Variants in UVRAG observed in about 807,000 individuals in gnomAD.
UVRAG encodes UV radiation resistance-associated gene protein.
In UVRAG, 19 loss-of-function variants were observed where a neutral mutation model predicts 78.0. That is an observed-to-expected ratio of 0.24 (90% CI 0.17 to 0.36). The LOEUF (loss-of-function observed/expected upper bound fraction) is 0.36, where lower values mean the gene tolerates loss of function less well. Ranked by LOEUF, UVRAG falls within the 10% of genes least tolerant of loss-of-function variation. UVRAG has a pLI of 1.00. For missense variants in UVRAG, 740 were observed against 853.8 expected (o/e 0.87, Z 1.66); for synonymous variants, 323 against 324.6 (o/e 1.00, Z 0.05).
At chr11:75,842,442 CT>C (rs11316075) in intron 1 of UVRAG, among the ~76,000 whole-genome samples, 20,145 of 133,764 alleles carry the variant, frequency 0.15, 989 homozygotes, top group African/African-American at 0.27. Context: ...CCTTTTCTTT[CT>C]TTTTTTTTTT....
chr11:75,922,673 C>A (rs971250444), intron 6 of UVRAG, among the ~76,000 whole-genome samples: 1 of 152,050 alleles, frequency 6.6e-6, no homozygotes, highest in African/African-American at 2.4e-5. Flanking sequence ...ATTGGCCGGG[C>A]GTGGTGGCTC....
At chr11:76,044,269 A>G (rs1474727660) in intron 12 of UVRAG, among the ~76,000 whole-genome samples, 1 of 152,194 alleles carries the variant, frequency 6.6e-6, no homozygotes, top group African/African-American at 2.4e-5. Flanking sequence ...ACAGAAGAAG[A>G]GAATGGGCAT....
intron 5 of UVRAG, among the ~76,000 whole-genome samples, chr11:75,892,977 A>G (rs948017861): frequency 6.6e-5 from 10 of 152,122 alleles, no homozygotes; most frequent in African/African-American, 2.4e-4. Context: ...CAGGCATTCA[A>G]GACCAGCCTA....
At chr11:75,874,901 G>C (rs573250055) in intron 3 of UVRAG, among the ~76,000 whole-genome samples, 80 of 152,286 alleles carry the variant, frequency 5.3e-4, no homozygotes, top group Non-Finnish European at 9.4e-4. Flanking sequence ...CAGAGGAAAG[G>C]CTGAAGCTAC....
intron 6 of UVRAG, among the ~76,000 whole-genome samples, chr11:75,929,404 C>A (rs1264534397): frequency 6.6e-6 from 1 of 151,978 alleles, no homozygotes; most frequent in African/African-American, 2.4e-5. Context: ...TAAACAGTAG[C>A]GGAATGAAAA....
At chr11:76,140,369 A>G (rs1217507715) in intron 14 of UVRAG, among the ~76,000 whole-genome samples, 1 of 152,018 alleles carries the variant, frequency 6.6e-6, no homozygotes, top group East Asian at 1.9e-4. Flanking sequence ...ATATGAAGTT[A>G]GTTATATCCT....
chr11:76,098,644 T>TGG (rs1231340004), intron 13 of UVRAG, among the ~76,000 whole-genome samples: 1 of 152,182 alleles, frequency 6.6e-6, no homozygotes, highest in African/African-American at 2.4e-5. Context: ...ATTGATTTGA[T>TGG]GGGGGTAGTT....
Position 76,078,349 on chromosome 11 carries a change from A to T in UVRAG, c.1305+12561A>T, listed in dbSNP as rs1018980400. ...GCTAATTTATCTTTTTGAAAGAGAG[A>T]CTACTTTCACCAACATACCCACAGT... On this transcript the variant is annotated intron_variant, in intron 13 of 14. Coordinates refer to ENST00000356136, the MANE Select transcript of UVRAG (RefSeq NM_003369.4). Among the ~76,000 whole-genome samples the T allele has an allele frequency of 1.1e-4, 16 of 152,300 alleles. No individual in the cohort carries two copies. In the South Asian group the frequency reaches 1.7e-3, roughly 16 times the overall value.
intron 8 of UVRAG, among the ~76,000 whole-genome samples, chr11:75,998,728 A>G (rs1276530289): frequency 6.6e-6 from 1 of 152,190 alleles, no homozygotes; most frequent in Non-Finnish European, 1.5e-5. Flanking sequence ...GCTTTTAACA[A>G]ATCGTTAATG....
chr11:75,974,117 G>A (rs1373797984), intron 7 of UVRAG, among the ~76,000 whole-genome samples: 1 of 152,130 alleles, frequency 6.6e-6, no homozygotes, highest in Non-Finnish European at 1.5e-5. Context: ...CTAGATCCTT[G>A]AGGAATTGCC....
Position 75,901,942 on chromosome 11 carries a change from A to C in UVRAG, c.508-10012A>C, listed in dbSNP as rs1947513008. On this transcript the variant is annotated intron_variant, in intron 5 of 14. Coordinates refer to ENST00000356136, the MANE Select transcript of UVRAG (RefSeq NM_003369.4). ...TTTATATGCTTCCGTAGCACCTTGT[A>C]TTACATTTCCCTCTTCACTGACCCT... Among the ~76,000 whole-genome samples the C allele has an allele frequency of 2.6e-5, 4 of 152,124 alleles. No individual in the cohort carries two copies. The South Asian group carries it at 8.3e-4, about 32-fold the overall frequency.
intron 8 of UVRAG, among the ~76,000 whole-genome samples, chr11:76,001,486 G>A (rs558624629): frequency 1.3e-5 from 2 of 152,280 alleles, no homozygotes; most frequent in African/African-American, 4.8e-5. Context: ...AACTGAAAGA[G>A]TAGAGGATAT....
At position 76,087,054 on chromosome 11, in the gene UVRAG, T is replaced by A. The variant is rs148692451; in HGVS notation, c.1305+21266T>A. Among the ~76,000 whole-genome samples the A allele has an allele frequency of 7.5e-3, 1,143 of 152,356 alleles. 20 individuals are homozygous for A. Among genetic ancestry groups the A allele is most frequent in the African/African-American group, 0.026 (1,098 of 41,588 alleles). The stretch of plus-strand genomic sequence containing the variant: ...CCCTAACATAAATTATTGGCTTGTA[T>A]AACCCACTGCATCAACTTCACTTGG... On this transcript the variant is annotated intron_variant, in intron 13 of 14. Transcript: ENST00000356136.
intron 14 of UVRAG, among the ~76,000 whole-genome samples, chr11:76,134,828 A>T (rs937985426): frequency 3.3e-5 from 5 of 152,196 alleles, no homozygotes; most frequent in Non-Finnish European, 7.4e-5. Flanking sequence ...TAGTCATTAA[A>T]TATGCCCACA....
chr11:76,116,341 T>G lies in UVRAG; in HGVS notation c.1397+326T>G, dbSNP rs143390833. Among the ~76,000 whole-genome samples, 424 of 152,308 alleles carry G rather than the reference T, an allele frequency of 2.8e-3. 6 individuals are homozygous for G. The highest frequency in any genetic ancestry group is 9.7e-3 in the African/African-American group (405 of 41,568). ...CATGGTAAGGGAGACCCAGAGCCCC[T>G]TGGACCTTTCCAAAGAACAGGTGAA... On this transcript the variant is annotated intron_variant, in intron 14 of 14. Transcript: ENST00000356136.
intron 3 of UVRAG, among the ~76,000 whole-genome samples, chr11:75,862,755 T>C (rs1471121082): frequency 6.6e-6 from 1 of 152,220 alleles, no homozygotes; most frequent in Non-Finnish European, 1.5e-5. Flanking sequence ...AAAGTGTTCA[T>C]CACTGTTGGA....
chr11:76,143,000 A>G lies in UVRAG; in HGVS notation c.*1587A>G, dbSNP rs1354470223. 1 of 152,218 alleles carries G rather than the reference A, an allele frequency of 6.6e-6. No homozygotes were observed. The highest frequency in any genetic ancestry group is 1.5e-5 in the Non-Finnish European group (1 of 68,044). 9.4% of individuals were successfully genotyped at this position (152,218 alleles called of 1,614,324 possible). On this transcript the variant is annotated 3_prime_UTR_variant, in exon 15 of 15. Coordinates refer to ENST00000356136, the MANE Select transcript of UVRAG (RefSeq NM_003369.4). Reference sequence around the variant, plus strand: ...AATAAACCCAACTCTCAGGCAGTCGAAAGCTTTAACTGGATCTGCAGAAGC... The same window carrying G: ...AATAAACCCAACTCTCAGGCAGTCGGAAGCTTTAACTGGATCTGCAGAAGC...
Position 75,970,027 on chromosome 11 carries a change from C to T in UVRAG, c.699+8478C>T, listed in dbSNP as rs148904135. On this transcript the variant is annotated intron_variant, in intron 7 of 14. Transcript: ENST00000356136. ...GAGATAAAAATTTACTAGCTATAAC[C>T]AAATTGCTGTTTGCTTAAGATTTAT... Among the ~76,000 whole-genome samples the T allele has an allele frequency of 4.6e-4, 70 of 152,220 alleles. 1 individual carries two copies. In the East Asian group the frequency reaches 0.011, roughly 24 times the overall value.
intron 12 of UVRAG, among the ~76,000 whole-genome samples, chr11:76,025,080 C>T (rs1475414030): frequency 6.6e-6 from 1 of 152,094 alleles, no homozygotes; most frequent in African/African-American, 2.4e-5. Flanking sequence ...TTTGTCTGGC[C>T]AGTTTGAAAC....
Sources: gnomAD v4.1 joint callset for allele counts (sites outside exome capture counted in the v4.1 genomes callset) on GRCh38, gnomAD v4.1.1 for gene constraint, MANE v1.5 for transcripts, NCBI Gene and HGNC (gene_info 2026-07-23, HGNC 2026-07-21) for gene names.